LST1: variants seen among roughly 807,000 people sequenced by gnomAD.
LST1 encodes leukocyte-specific transcript 1 protein.
LST1 carries 9 observed loss-of-function variants against 8.5 expected under a neutral mutation model. That is an observed-to-expected ratio of 1.06 (90% CI 0.64 to 1.85). The LOEUF is 1.85. LST1 is among the 40% of genes most tolerant of loss of function. LST1 has a pLI of 0.00. For missense variants in LST1, 121 were observed against 117.1 expected (o/e 1.03, Z -0.16); for synonymous variants, 53 against 50.4 (o/e 1.05, Z -0.21).
chr6:31,587,379 G>A (rs1057246959), intron 2 of LST1, 61 bp downstream of exon 2: 10 of 1,586,956 alleles, frequency 6.3e-6, no homozygotes, highest in Non-Finnish European at 6.9e-6. Flanking sequence ...GAAGTGATGG[G>A]GAACAGTGAT....
chr6:31,588,885 A>G lies in LST1; in HGVS notation c.*209A>G. ...ATTTTTTAAAAATTAAAATAAAAAA[A>G]ACACATGGCTCACCCTTCCACCCAC... On this transcript the variant is annotated 3_prime_UTR_variant, in exon 5 of 5. Coordinates refer to ENST00000438075, the MANE Select transcript of LST1 (RefSeq NM_205839.3). 1 of 883,592 alleles carries G rather than the reference A, an allele frequency of 1.1e-6. No individual in the cohort carries two copies. The highest frequency in any genetic ancestry group is 1.7e-6 in the Non-Finnish European group (1 of 585,304). The allele number at this position is 883,592 out of a possible 1,614,324, so 54.7% of individuals were successfully genotyped here.
rs371194868 is a variant in LST1 at position 31,588,645 on chromosome 6, A to C, written c.263A>C (p.Tyr88Ser). Residue 88 changes from tyrosine (Y) to serine (S), a missense_variant, in exon 5 of 5, where the codon TAT (tyrosine) becomes TCT (serine). Tyr to Ser is a moderately radical substitution (Grantham distance 144, BLOSUM62 -2). Coordinates refer to ENST00000438075, the MANE Select transcript of LST1 (RefSeq NM_205839.3). ...ACCAAGGAGGATCCAAGAGCTGACT[A>C]TGCCTGCATTGCTGAGAACAAACCC... ...RGTKEDPRAD[Y>S]ACIAENKPT is the part of the protein sequence containing the mutation. 127 of 1,612,990 alleles carry C rather than the reference A, an allele frequency of 7.9e-5. No homozygotes were observed. The highest frequency in any genetic ancestry group is 1.0e-4 in the Non-Finnish European group (118 of 1,180,026).
At chr6:31,588,387 A>AGAGAGAGAGAGAGAGG (rs1772221655) in intron 4 of LST1, 131 bp from the exon 5 acceptor site, 42 of 860,038 alleles carry the variant, frequency 4.9e-5, no homozygotes, top group Middle Eastern at 3.6e-4. Context: ...AGAGAGAGAG[A>AGAGAGAGAGAGAGAGG]GAGAGAGAGA....
At position 31,587,291 on chromosome 6, in the gene LST1, C is replaced by T. The variant is rs773521336; in HGVS notation, c.-9C>T. 1.1e-5 allele frequency: 18 copies of T among 1,607,284 alleles called. No individual in the cohort carries two copies. The highest frequency in any genetic ancestry group is 1.5e-5 in the Non-Finnish European group (18 of 1,173,810). On this transcript the variant is annotated 5_prime_UTR_variant, in exon 2 of 5. Transcript: ENST00000438075. ...CTGACCTCCAGGCCAGTCCCTGATC[C>T]CTGACCTAATGTTATCGCGGAATGA...
intron 1 of LST1, chr6:31,586,929 C>T (rs1463723232): frequency 3.0e-6 from 1 of 331,198 alleles, no homozygotes; most frequent in South Asian, 4.5e-5. Flanking sequence ...AAGTCCCCTC[C>T]AAACCACGTG....
Position 31,588,625 on chromosome 6 carries a change from G to A in LST1, c.243G>A (p.Lys81=), listed in dbSNP as rs753034392. The part of the protein sequence containing the change: ...DLRGRDKRGT[K]EDPRADYACI... ...GGGGCAGAGACAAGAGAGGCACCAA[G>A]GAGGATCCAAGAGCTGACTATGCCT... is the stretch of plus-strand genomic sequence containing the variant. Residue 81 remains lysine, a synonymous_variant, in exon 5 of 5, where the codon AAG becomes AAA. Transcript: ENST00000438075. 1.5e-5 allele frequency: 24 copies of A among 1,613,160 alleles called. No individual in the cohort carries two copies. Among genetic ancestry groups the A allele is most frequent in the Non-Finnish European group, 1.9e-5 (23 of 1,180,038 alleles).
chr6:31,588,374 A>AAGAGAGAGAGAGAGAG (rs9279359), intron 4 of LST1, 144 bp from the exon 5 acceptor site: 2 of 627,250 alleles, frequency 3.2e-6, no homozygotes, highest in Non-Finnish European at 5.4e-6. Flanking sequence ...CCAAAGAAAA[A>AAGAGAGAGAGAGAGAG]AGAGAGAGAG....
intron 1 of LST1, chr6:31,586,909 C>G (rs1453432648): frequency 1.8e-5 from 5 of 278,936 alleles, no homozygotes; most frequent in African/African-American, 1.1e-4. Context: ...TAGAACCATC[C>G]AGGGCTGAAA....
rs777328111 is a variant in LST1, at chr6:31,587,672, C to G, written c.51C>G (p.Gly17=). 6.2e-7 allele frequency: 1 copy of G among 1,603,002 alleles called. No individual in the cohort carries two copies. Residue 17 remains glycine (G), a synonymous_variant, in exon 3 of 5, where the codon GGC becomes GGG. Transcript: ENST00000438075. ...GTATCTACGGGGGCCTGGGGCTGGG[C>G]GGGCTCCTGCTTCTGGCAGTGGTCC... ...DICIYGGLGL[G]GLLLLAVVLL... is the part of the protein sequence containing the mutation.
intron 4 of LST1, 102 bp downstream of exon 4, chr6:31,588,068 C>A: frequency 1.6e-6 from 2 of 1,230,908 alleles, no homozygotes; most frequent in South Asian, 1.6e-5. Flanking sequence ...GGACGGGAGA[C>A]AAGGAGAGAG....
At position 31,588,898 on chromosome 6, in the gene LST1, CCCTT is replaced by C; in HGVS notation, c.*225_*228del. The C allele has an allele frequency of 1.1e-6, 1 of 897,012 alleles. No individual in the cohort carries two copies. Among genetic ancestry groups the C allele is most frequent in the Non-Finnish European group, 1.7e-6 (1 of 597,416 alleles). The allele number at this position is 897,012 out of a possible 1,614,324, so 55.6% of individuals were successfully genotyped here. A position where few individuals can be genotyped will look rare whatever the true frequency, so the allele number is the denominator to read the frequency against. On this transcript the variant is annotated 3_prime_UTR_variant, in exon 5 of 5. Transcript: ENST00000438075. Reference sequence around the variant, plus strand: ...TAAAATAAAAAAAACACATGGCTCACCCTTCCACCCACTCTGGGGTCAAATAGTA... The same window carrying C: ...TAAAATAAAAAAAACACATGGCTCACCCACCCACTCTGGGGTCAAATAGTA...
At chr6:31,586,401 T>C (rs1771933640) in intron 1 of LST1, 86 bp downstream of exon 1, 1 of 152,038 alleles carries the variant, frequency 6.6e-6, no homozygotes, top group Non-Finnish European at 1.5e-5. Flanking sequence ...AGGGAGAGTA[T>C]GGGTTTGAGT....
chr6:31,587,524 AT>A, intron 2 of LST1, 116 bp from the exon 3 acceptor site: 1 of 806,090 alleles, frequency 1.2e-6, no homozygotes. Context: ...CTGAGGGTAT[AT>A]TTTTCTGCCT....
intron 3 of LST1, 22 bp downstream of exon 3, chr6:31,587,755 T>C (rs1185314831): frequency 8.0e-6 from 12 of 1,497,016 alleles, no homozygotes; most frequent in Admixed American, 1.9e-5. Flanking sequence ...ACTCCCTCCC[T>C]CCCCCTGCAG....
At chr6:31,587,829 C>T in intron 3 of LST1, 96 bp downstream of exon 3, 2 of 1,529,122 alleles carry the variant, frequency 1.3e-6, no homozygotes, top group African/African-American at 1.4e-5. Flanking sequence ...ACTGCCTGGC[C>T]CTGGAGCCAC....
Position 31,587,222 on chromosome 6 carries a change from C to A in LST1, c.-78C>A. The A allele has an allele frequency of 1.0e-6, 1 of 954,048 alleles. No homozygotes were observed. The highest frequency in any genetic ancestry group is 1.7e-6 in the Non-Finnish European group (1 of 585,678). The allele number at this position is 954,048 out of a possible 1,614,324, so 59.1% of individuals were successfully genotyped here. A position where few individuals can be genotyped will look rare whatever the true frequency, so the allele number is the denominator to read the frequency against. On this transcript the variant is annotated 5_prime_UTR_variant, in exon 2 of 5. Coordinates refer to ENST00000438075, the MANE Select transcript of LST1 (RefSeq NM_205839.3). ...CAGATGAGGAACTTGAGGCAAGTCA[C>A]CAGCCCCTGATCATTTCGCCTAAAA... is the stretch of plus-strand genomic sequence containing the variant.
intron 2 of LST1, 28 bp downstream of exon 2, chr6:31,587,346 T>C (rs1480263184): frequency 6.2e-7 from 1 of 1,612,428 alleles, no homozygotes; most frequent in Admixed American, 1.7e-5. Context: ...TGCATCTGCA[T>C]AGAGAGAGTC....
chr6:31,588,019 G>A lies in LST1; in HGVS notation c.135+53G>A, dbSNP rs1772151381. On this transcript the variant is annotated intron_variant, in intron 4 of 4. Coordinates refer to ENST00000438075, the MANE Select transcript of LST1 (RefSeq NM_205839.3). ...GGCAAGAGAGATCCTGAGTGGGTGAGTGGGGAGAAGCATGGCTGAGCGCTG... is the reference window on the plus strand; with the variant it reads ...GGCAAGAGAGATCCTGAGTGGGTGAATGGGGAGAAGCATGGCTGAGCGCTG... 13 of 1,553,940 alleles carry A rather than the reference G, an allele frequency of 8.4e-6. 1 individual carries two copies. The highest frequency in any genetic ancestry group is 1.7e-4 in the Middle Eastern group (1 of 5,830).
At position 31,588,792 on chromosome 6, in the gene LST1, C is replaced by T; in HGVS notation, c.*116C>T. 8.2e-7 allele frequency: 1 copy of T among 1,212,852 alleles called. No homozygotes were observed. Among genetic ancestry groups the T allele is most frequent in the Non-Finnish European group, 1.2e-6 (1 of 821,468 alleles). 75.1% of individuals were successfully genotyped at this position (1,212,852 alleles called of 1,614,324 possible). ...CTCAGTCCTCTCAGTCCATCTCGAG[C>T]CTCCGTTCAAATTGATCATCATCAA... On this transcript the variant is annotated 3_prime_UTR_variant, in exon 5 of 5. Coordinates refer to ENST00000438075, the MANE Select transcript of LST1 (RefSeq NM_205839.3).
Sources: gnomAD v4.1 joint callset for allele counts on GRCh38, gnomAD v4.1.1 for gene constraint, MANE v1.5 for transcripts, NCBI Gene and HGNC (gene_info 2026-07-23, HGNC 2026-07-21) for gene names.